Variants in AGFG1 observed in about 807,000 individuals in gnomAD.
AGFG1 encodes the protein arf-GAP domain and FG repeat-containing protein 1.
Under a neutral mutation model 60.6 loss-of-function variants are expected in AGFG1, and 10 were observed. The ratio of observed to expected loss-of-function variants is 0.16; its 90% CI spans 0.10 to 0.28. The LOEUF is 0.28. Among genes scored for constraint, AGFG1 ranks in the 10% least tolerant of loss-of-function variants. The pLI is 1.00. For missense variants in AGFG1, 537 were observed against 676.5 expected, an observed-to-expected ratio of 0.79 and a Z score of 2.29; for synonymous variants, 247 against 242.9, an observed-to-expected ratio of 1.02 and a Z score of -0.16.
intron 1 of AGFG1, among the ~76,000 whole-genome samples, chr2:227,489,632 GCAAAA>G (rs1690743108): frequency 6.6e-6 from 1 of 151,982 alleles, no homozygotes; most frequent in Non-Finnish European, 1.5e-5. Flanking sequence ...AAAATTTAAA[GCAAAA>G]CAAAACAACA....
chr2:227,475,794 A>G (rs1690265156), intron 1 of AGFG1, among the ~76,000 whole-genome samples: 1 of 152,206 alleles, frequency 6.6e-6, no homozygotes, highest in African/African-American at 2.4e-5. Flanking sequence ...AATGATACAC[A>G]TCGTTACTGT....
rs183227390 is a variant in AGFG1, at chr2:227,506,875, C to T, written c.262-13073C>T. Among the ~76,000 whole-genome samples the T allele has an allele frequency of 2.0e-3, 308 of 152,286 alleles. 1 individual carries two copies. The highest frequency in any genetic ancestry group is 6.3e-3 in the Admixed American group (97 of 15,298). On this transcript the variant is annotated intron_variant, in intron 2 of 12. Coordinates refer to ENST00000310078, the MANE Select transcript of AGFG1 (RefSeq NM_004504.5). ...GCTAATGCCATCCACGTAGTGTCAA[C>T]GTTCCTCTGTTCTCCCAGTTACCTA...
chr2:227,485,182 A>T (rs114328735), intron 1 of AGFG1, among the ~76,000 whole-genome samples: 1 of 149,988 alleles, frequency 6.7e-6, no homozygotes, highest in African/African-American at 2.5e-5. Flanking sequence ...TTTGTTCCCT[A>T]TATTTTCATT....
chr2:227,495,778 C>T (rs1332560478), intron 2 of AGFG1, among the ~76,000 whole-genome samples: 4 of 151,596 alleles, frequency 2.6e-5, no homozygotes, highest in Non-Finnish European at 4.4e-5. Flanking sequence ...GTAAGTTAAC[C>T]TTCCTAATAT....
chr2:227,530,349 T>G (rs1221494018), intron 5 of AGFG1, among the ~76,000 whole-genome samples: 1 of 152,146 alleles, frequency 6.6e-6, no homozygotes, highest in Non-Finnish European at 1.5e-5. Flanking sequence ...TATAATCGAT[T>G]GTTGAAGATA....
rs374189435 is a variant in AGFG1, at chr2:227,523,772, G to T, written c.387G>T (p.Pro129=). 8 of 1,610,068 alleles carry T rather than the reference G, an allele frequency of 5.0e-6. No homozygotes were observed. Among genetic ancestry groups the T allele is most frequent in the African/African-American group, 1.3e-5 (1 of 74,728 alleles). Residue 129 remains proline (P), a synonymous_variant, in exon 4 of 13, where the codon CCG becomes CCT. Transcript: ENST00000310078. ...EKYEKKRWYV[P]PEQAKVVASV... is the part of the protein sequence containing the mutation. The stretch of plus-strand genomic sequence containing the variant: ...TTTTTACATGTTTTAGGTATGTCCC[G>T]CCAGAACAAGCCAAAGTCGTGGCAT...
chr2:227,526,395 C>CA (rs1691994048), intron 5 of AGFG1, among the ~76,000 whole-genome samples: 1 of 152,026 alleles, frequency 6.6e-6, no homozygotes, highest in Admixed American at 6.5e-5. Context: ...TTTAGTAATA[C>CA]AAAATACTAA....
chr2:227,549,841 C>T (rs970907609), intron 10 of AGFG1, among the ~76,000 whole-genome samples: 2 of 152,068 alleles, frequency 1.3e-5, no homozygotes, highest in African/African-American at 2.4e-5. Context: ...TTATTCTAAT[C>T]TCCCCTTTAT....
chr2:227,512,590 G>A (rs540451975), intron 2 of AGFG1, among the ~76,000 whole-genome samples: 1 of 152,194 alleles, frequency 6.6e-6, no homozygotes, highest in African/African-American at 2.4e-5. Context: ...TCCTTTTAGG[G>A]CAAAATAATA....
chr2:227,540,602 A>G lies in AGFG1; in HGVS notation c.1378+3609A>G, dbSNP rs184519234. ...TCTTAATCCAGTCTGTCATTGATGG[A>G]CATTTGGGTTGGTTCCACGTCTTTG... On this transcript the variant is annotated intron_variant, in intron 10 of 12. Coordinates refer to ENST00000310078, the MANE Select transcript of AGFG1 (RefSeq NM_004504.5). Among the ~76,000 whole-genome samples, 246 of 152,206 alleles carry G rather than the reference A, an allele frequency of 1.6e-3. 2 individuals carry two copies. Among genetic ancestry groups the G allele is most frequent in the Non-Finnish European group, 2.8e-3 (193 of 68,030 alleles).
Position 227,507,695 on chromosome 2 carries a change from G to A in AGFG1, c.262-12253G>A, listed in dbSNP as rs1339744660. On this transcript the variant is annotated intron_variant, in intron 2 of 12. Coordinates refer to ENST00000310078, the MANE Select transcript of AGFG1 (RefSeq NM_004504.5). ...TATAAATAAAAGTTATTTACATTAA[G>A]ATGCAATAGTTTTATTCTTCTTTTA... 6.9e-5 allele frequency among the ~76,000 whole-genome samples: 10 copies of A among 145,966 alleles called. No individual in the cohort carries two copies. In the East Asian group the frequency reaches 2.0e-3, roughly 29 times the overall value.
chr2:227,550,742 T>C (rs1265118941), intron 10 of AGFG1, among the ~76,000 whole-genome samples: 1 of 152,236 alleles, frequency 6.6e-6, no homozygotes, highest in Non-Finnish European at 1.5e-5. Context: ...TTACTTGTTT[T>C]TCAGCTTTTT....
chr2:227,517,652 T>A (rs1691694720), intron 2 of AGFG1, among the ~76,000 whole-genome samples: 1 of 152,164 alleles, frequency 6.6e-6, no homozygotes. Flanking sequence ...TTCTCTTATT[T>A]CTCCCATACC....
intron 1 of AGFG1, among the ~76,000 whole-genome samples, chr2:227,473,634 T>C (rs1347240796): frequency 2.0e-5 from 3 of 152,240 alleles, no homozygotes; most frequent in Non-Finnish European, 4.4e-5. Flanking sequence ...GATAAAATGC[T>C]TTTATATTAT....
At chr2:227,477,044 G>A (rs1050841787) in intron 1 of AGFG1, among the ~76,000 whole-genome samples, 2 of 152,034 alleles carry the variant, frequency 1.3e-5, no homozygotes, top group East Asian at 3.9e-4. Context: ...TGGGATTACA[G>A]GCGCCCGCCA....
chr2:227,496,234 A>G (rs945143643), intron 2 of AGFG1, among the ~76,000 whole-genome samples: 2 of 152,142 alleles, frequency 1.3e-5, no homozygotes, highest in Non-Finnish European at 2.9e-5. Flanking sequence ...TGGATTAAAA[A>G]CAAAACAAAA....
At chr2:227,497,325 C>T (rs1221707536) in intron 2 of AGFG1, among the ~76,000 whole-genome samples, 4 of 152,146 alleles carry the variant, frequency 2.6e-5, no homozygotes, top group Non-Finnish European at 5.9e-5. Context: ...TATGACCTGA[C>T]TTCTTAATGT....
intron 2 of AGFG1, among the ~76,000 whole-genome samples, chr2:227,519,238 T>C (rs1167564097): frequency 6.6e-6 from 1 of 152,258 alleles, no homozygotes. Flanking sequence ...TCTTTATATA[T>C]TCCAGTTTCA....
chr2:227,489,539 CA>C (rs1690739799), intron 1 of AGFG1, among the ~76,000 whole-genome samples: 1 of 151,924 alleles, frequency 6.6e-6, no homozygotes, highest in Non-Finnish European at 1.5e-5. Context: ...AGAGTTTTAC[CA>C]GAATAAAATT....
Sources: gnomAD v4.1 joint callset for allele counts (sites outside exome capture counted in the v4.1 genomes callset) on GRCh38, gnomAD v4.1.1 for gene constraint, MANE v1.5 for transcripts, NCBI Gene and HGNC (gene_info 2026-07-23, HGNC 2026-07-21) for gene names.